KLF12: variants seen among roughly 807,000 people sequenced by gnomAD.
The protein encoded by KLF12 is KLF transcription factor 12.
In KLF12, 9 loss-of-function variants were observed where a neutral mutation model predicts 37.8. The ratio of observed to expected loss-of-function variants is 0.24; its 90% CI spans 0.14 to 0.42. KLF12 has a LOEUF of 0.42. KLF12 is among the 10% of genes least tolerant of loss of function. KLF12 has a pLI of 1.00. For synonymous variants in KLF12, 208 were observed against 202.1 expected (o/e 1.03, Z -0.25); for missense variants, 411 against 516.0 (o/e 0.80, Z 1.97).
At chr13:73,778,152 GAAAAC>G (rs1880739730) in intron 5 of KLF12, among the ~76,000 whole-genome samples, 1 of 146,790 alleles carries the variant, frequency 6.8e-6, no homozygotes, top group African/African-American at 2.5e-5. Flanking sequence ...AATAAAAAAA[GAAAAC>G]AAAACAAAAG....
At chr13:74,082,159 C>A (rs1874936709) in intron 1 of KLF12, among the ~76,000 whole-genome samples, 1 of 42,076 alleles carries the variant, frequency 2.4e-5, no homozygotes, top group African/African-American at 8.4e-5. Context: ...AAGACCCTGT[C>A]TCTTAAAAAA....
intron 1 of KLF12, among the ~76,000 whole-genome samples, chr13:74,103,996 TC>T (rs1876511159): frequency 6.6e-6 from 1 of 152,172 alleles, no homozygotes; most frequent in East Asian, 1.9e-4. Flanking sequence ...GAATAATTTT[TC>T]CCATGGAAAT....
At chr13:73,895,380 A>G (rs998429275) in intron 3 of KLF12, among the ~76,000 whole-genome samples, 1 of 152,188 alleles carries the variant, frequency 6.6e-6, no homozygotes, top group Non-Finnish European at 1.5e-5. Flanking sequence ...CGTCTTAAGG[A>G]TAAGATCTCA....
the KLF12 span, among the ~76,000 whole-genome samples, chr13:74,141,509 G>C: frequency 6.6e-6 from 1 of 152,132 alleles, no homozygotes; most frequent in African/African-American, 2.4e-5. Context: ...CCTAACTAAT[G>C]CCAGTTAAAG....
the KLF12 span, among the ~76,000 whole-genome samples, chr13:74,157,110 TC>T: frequency 1.3e-5 from 2 of 152,312 alleles, no homozygotes; most frequent in South Asian, 4.1e-4. Context: ...ACTTTCTATA[TC>T]AACGAATAAA....
Position 73,687,692 on chromosome 13 carries a change from A to G in KLF12, c.*7798T>C, listed in dbSNP as rs888965642. 1.3e-5 allele frequency: 2 copies of G among 152,156 alleles called. No homozygotes were observed. Among genetic ancestry groups the G allele is most frequent in the African/African-American group, 4.8e-5 (2 of 41,438 alleles). The allele number at this position is 152,156 out of a possible 1,614,324, so 9.4% of individuals were successfully genotyped here. A position where few individuals can be genotyped will look rare whatever the true frequency, so the allele number is the denominator to read the frequency against. ...ATCACTAGATTTGGATCCAAATTCT[A>G]TCCTCCTATTAACCCTTACTTCTCA... is the stretch of plus-strand genomic sequence containing the variant. On this transcript the variant is annotated 3_prime_UTR_variant, in exon 8 of 8. Transcript: ENST00000377669.
the KLF12 span, among the ~76,000 whole-genome samples, chr13:74,167,839 T>G: frequency 6.6e-6 from 1 of 152,232 alleles, no homozygotes; most frequent in South Asian, 2.1e-4. Context: ...AGGGTACTTG[T>G]TAATTTACTT....
At chr13:73,850,742 T>C (rs1384525188) in intron 3 of KLF12, among the ~76,000 whole-genome samples, 1 of 152,206 alleles carries the variant, frequency 6.6e-6, no homozygotes, top group African/African-American at 2.4e-5. Flanking sequence ...CACAAGATGG[T>C]CCCAGCTATC....
At chr13:73,868,705 T>C (rs906296826) in intron 3 of KLF12, among the ~76,000 whole-genome samples, 3 of 152,126 alleles carry the variant, frequency 2.0e-5, no homozygotes, top group African/African-American at 7.2e-5. Context: ...AACAATAAGA[T>C]TGTTATAAAA....
intron 1 of KLF12, among the ~76,000 whole-genome samples, chr13:74,104,835 T>C (rs1000342588): frequency 2.6e-5 from 4 of 152,118 alleles, no homozygotes; most frequent in African/African-American, 4.8e-5. Context: ...ATGGAGGGCA[T>C]AGGCTCTCAT....
intron 7 of KLF12, among the ~76,000 whole-genome samples, chr13:73,697,072 G>A (rs1327976836): frequency 7.1e-6 from 1 of 140,210 alleles, no homozygotes; most frequent in East Asian, 2.1e-4. Context: ...GTACTTGAAT[G>A]TATTAATACA....
At chr13:74,083,239 G>A (rs1459948879) in intron 1 of KLF12, among the ~76,000 whole-genome samples, 4 of 152,172 alleles carry the variant, frequency 2.6e-5, no homozygotes, top group Non-Finnish European at 4.4e-5. Flanking sequence ...GAGGCCGGGC[G>A]CAGTGGCTCA....
chr13:73,986,343 CTT>C (rs1161089048), intron 2 of KLF12, among the ~76,000 whole-genome samples: 1 of 152,126 alleles, frequency 6.6e-6, no homozygotes, highest in East Asian at 1.9e-4. Context: ...TTTGAATGGA[CTT>C]TTTTCTTCCA....
chr13:74,112,384 T>TTGTGTGTGTGTGTGTGTG (rs67487546), intron 1 of KLF12, among the ~76,000 whole-genome samples: 31 of 145,166 alleles, frequency 2.1e-4, no homozygotes, highest in African/African-American at 7.3e-4. Flanking sequence ...TTTGCAGATA[T>TTGTGTGTGTGTGTGTGTG]TGTCTGTGTG....
the KLF12 span, among the ~76,000 whole-genome samples, chr13:74,269,302 A>G: frequency 2.0e-5 from 3 of 152,166 alleles, no homozygotes; most frequent in Non-Finnish European, 4.4e-5. Flanking sequence ...CTCTCTTTGT[A>G]TATAGTTACA....
chr13:74,038,910 GA>G (rs148706265), intron 1 of KLF12, among the ~76,000 whole-genome samples: 1,676 of 145,752 alleles, frequency 0.011, 25 homozygotes, highest in East Asian at 0.058. Context: ...CATCCCAGGG[GA>G]AAAAAAAATG....
At chr13:74,070,291 C>T (rs1874154334) in intron 1 of KLF12, among the ~76,000 whole-genome samples, 1 of 152,148 alleles carries the variant, frequency 6.6e-6, no homozygotes, top group African/African-American at 2.4e-5. Context: ...GAAGATAACT[C>T]ATGAAACCAC....
At chr13:74,048,013 T>C (rs1184075450) in intron 1 of KLF12, among the ~76,000 whole-genome samples, 1 of 152,210 alleles carries the variant, frequency 6.6e-6, no homozygotes, top group Non-Finnish European at 1.5e-5. Context: ...TTCCAGCTCA[T>C]AGCTCCACCA....
At chr13:73,903,428 T>C (rs946700258) in intron 3 of KLF12, among the ~76,000 whole-genome samples, 5 of 152,234 alleles carry the variant, frequency 3.3e-5, no homozygotes, top group African/African-American at 9.6e-5. Context: ...TTTGGAAATA[T>C]ATTAAAAAGA....
Sources: gnomAD v4.1 joint callset for allele counts (sites outside exome capture counted in the v4.1 genomes callset) on GRCh38, gnomAD v4.1.1 for gene constraint, MANE v1.5 for transcripts, NCBI Gene and HGNC (gene_info 2026-07-23, HGNC 2026-07-21) for gene names.